Variants in AGTRAP observed in about 807,000 individuals in gnomAD.
The protein encoded by AGTRAP is type-1 angiotensin II receptor-associated protein.
A neutral mutation model predicts 15.2 loss-of-function variants in AGTRAP; 7 were observed. The ratio of observed to expected loss-of-function variants is 0.46; its 90% CI spans 0.26 to 0.87. The LOEUF is 0.87. AGTRAP is among the 40% of genes least tolerant of loss of function. The pLI is 0.15. For synonymous variants in AGTRAP, 74 were observed against 89.6 expected, an observed-to-expected ratio of 0.83 and a Z score of 0.98; for missense variants, 187 against 213.4, an observed-to-expected ratio of 0.88 and a Z score of 0.77.
intron 1 of AGTRAP, among the ~76,000 whole-genome samples, chr1:11,741,855 A>G (rs1251556440): frequency 6.6e-6 from 1 of 152,212 alleles, no homozygotes; most frequent in East Asian, 1.9e-4. Flanking sequence ...CTAGAGCTAG[A>G]CTTCTGTAAC....
Position 11,750,080 on chromosome 1 carries a change from T to G in AGTRAP, c.368T>G (p.Phe123Cys). The G allele has an allele frequency of 1.2e-6, 2 of 1,613,482 alleles. No individual in the cohort carries two copies. Among genetic ancestry groups the G allele is most frequent in the Non-Finnish European group, 1.7e-6 (2 of 1,179,552 alleles). ...CACCATGTCCCCTGTCACCTAGGTTTCCTTGGGTCTTCTCAGGACCGTAGT... is the reference window on the plus strand; with the variant it reads ...CACCATGTCCCCTGTCACCTAGGTTGCCTTGGGTCTTCTCAGGACCGTAGT... ...RGGELLVHTGFLGSSQDRSAY... is the reference protein window; with the variant it reads ...RGGELLVHTGCLGSSQDRSAY... The change falls in exon 5 of 5, where the codon TTC becomes TGC. Residue 123 changes from phenylalanine to cysteine, a missense_variant. Phe to Cys is a radical substitution (Grantham distance 205). Coordinates refer to ENST00000314340, the MANE Select transcript of AGTRAP (RefSeq NM_020350.5).
chr1:11,742,938 C>G (rs1224158459), intron 1 of AGTRAP, among the ~76,000 whole-genome samples: 1 of 152,234 alleles, frequency 6.6e-6, no homozygotes, highest in East Asian at 1.9e-4. Context: ...GACACTGCCT[C>G]TGCCCCAGGC....
At chr1:11,748,714 C>G in intron 4 of AGTRAP, 104 bp downstream of exon 4, 1 of 1,338,690 alleles carries the variant, frequency 7.5e-7, no homozygotes, top group Non-Finnish European at 1.0e-6. Flanking sequence ...GGGGCCAGGG[C>G]TCAAGGTGCA....
In AGTRAP at chr1:11,748,439, A is replaced by C; in HGVS notation, c.193A>C (p.Ile65Leu). The change falls in exon 4 of 5, where the codon ATC becomes CTC. Residue 65 changes from isoleucine (I) to leucine (L), a missense_variant. By Grantham distance (5) the Ile-to-Leu change is conservative. Coordinates refer to ENST00000314340, the MANE Select transcript of AGTRAP (RefSeq NM_020350.5). ...GTTTCTGGGTGGCTTGCTGGCCACC[A>C]TCTTCCTGGACATCGTGCACATCAG... is the stretch of plus-strand genomic sequence containing the variant. ...SMFLGGLLATIFLDIVHISIF... is the reference protein window; with the variant it reads ...SMFLGGLLATLFLDIVHISIF... The C allele has an allele frequency of 6.2e-7, 1 of 1,613,724 alleles. No homozygotes were observed. The highest frequency in any genetic ancestry group is 8.5e-7 in the Non-Finnish European group (1 of 1,179,894).
rs187110424 is a variant in AGTRAP, at chr1:11,745,916, C to A, written c.62+79C>A. On this transcript the variant is annotated intron_variant, in intron 2 of 4. Transcript: ENST00000314340. This position sits in a 1 kb window ranked among gnomAD's most constrained non-coding sequence, Gnocchi z 4.2. The stretch of plus-strand genomic sequence containing the variant: ...CAGCCGGGTCAGGTCCTGGTTCTGC[C>A]GTGTTTTAACCAGGTCACTTTGGGC... 5.1e-6 allele frequency: 8 copies of A among 1,579,044 alleles called. No homozygotes were observed. In the Admixed American group the frequency reaches 1.2e-4, roughly 23 times the overall value.
rs1253767018 is a variant in AGTRAP at position 11,739,034 on chromosome 1, C to T, written c.27+2799C>T. Among the ~76,000 whole-genome samples, 5 of 152,306 alleles carry T rather than the reference C, an allele frequency of 3.3e-5. No individual in the cohort carries two copies. In the East Asian group the frequency reaches 9.6e-4, roughly 29 times the overall value. On this transcript the variant is annotated intron_variant, in intron 1 of 4. Transcript: ENST00000314340. The stretch of plus-strand genomic sequence containing the variant: ...CTTCCTCATTTCCATCTGCCCTCTA[C>T]GGCTCTTCGAGATCCTGACGGTGTA...
In AGTRAP at chr1:11,745,905, C is replaced by A; in HGVS notation, c.62+68C>A. On this transcript the variant is annotated intron_variant, in intron 2 of 4. Coordinates refer to ENST00000314340, the MANE Select transcript of AGTRAP (RefSeq NM_020350.5). This position sits in a 1 kb window ranked among gnomAD's most constrained non-coding sequence, Gnocchi z 4.2. The stretch of plus-strand genomic sequence containing the variant: ...AGGGTCTGTGTCAGCCGGGTCAGGT[C>A]CTGGTTCTGCCGTGTTTTAACCAGG... 3 of 1,593,508 alleles carry A rather than the reference C, an allele frequency of 1.9e-6. No individual in the cohort carries two copies. The highest frequency in any genetic ancestry group is 2.2e-5 in the East Asian group (1 of 44,750).
intron 1 of AGTRAP, among the ~76,000 whole-genome samples, chr1:11,737,728 C>T (rs1641933733): frequency 6.6e-6 from 1 of 152,138 alleles, no homozygotes; most frequent in African/African-American, 2.4e-5. Context: ...AGGGCTTAGT[C>T]TCTTTGGGGC....
Position 11,747,543 on chromosome 1 carries a change from A to G in AGTRAP, c.166A>G (p.Met56Val), listed in dbSNP as rs144060195. 2,539 of 1,613,636 alleles carry G rather than the reference A, an allele frequency of 1.6e-3. 5 individuals are homozygous for G. Among genetic ancestry groups the G allele is most frequent in the Non-Finnish European group, 2.0e-3 (2,362 of 1,179,932 alleles). Residue 56 changes from methionine to valine, a missense_variant and splice_region_variant, in exon 3 of 5, where the codon ATG (methionine) becomes GTG (valine). By Grantham distance (21) the Met-to-Val change is conservative. Coordinates refer to ENST00000314340, the MANE Select transcript of AGTRAP (RefSeq NM_020350.5). The part of the protein sequence containing the change: ...AQRDSIDAIS[M>V]FLGGLLATIF... The stretch of plus-strand genomic sequence containing the variant: ...GCGGGACTCCATCGACGCCATAAGC[A>G]TGGTGAGCCAGGGTGGGGGAGAGGC...
chr1:11,737,651 G>C (rs1293315173), intron 1 of AGTRAP, among the ~76,000 whole-genome samples: 1 of 152,214 alleles, frequency 6.6e-6, no homozygotes, highest in African/African-American at 2.4e-5. Context: ...TCAGACTCCA[G>C]GGCCAGGTCC....
intron 2 of AGTRAP, chr1:11,746,189 G>C: frequency 3.1e-6 from 5 of 1,613,090 alleles, no homozygotes; most frequent in Non-Finnish European, 3.4e-6. Context: ...TGTGCACTTT[G>C]CAAACTTCGA....
chr1:11,737,466 C>T (rs1034842727), intron 1 of AGTRAP, among the ~76,000 whole-genome samples: 2 of 152,166 alleles, frequency 1.3e-5, no homozygotes, highest in Non-Finnish European at 2.9e-5. Flanking sequence ...GTGGGAGGGA[C>T]AGAGCTCTAA....
chr1:11,750,325 A>G lies in AGTRAP; in HGVS notation c.*133A>G, dbSNP rs1364125665. The G allele has an allele frequency of 2.4e-6, 2 of 848,036 alleles. No individual in the cohort carries two copies. The highest frequency in any genetic ancestry group is 3.3e-5 in the African/African-American group (2 of 59,716). 52.5% of individuals were successfully genotyped at this position (848,036 alleles called of 1,614,324 possible). On this transcript the variant is annotated 3_prime_UTR_variant, in exon 5 of 5. Coordinates refer to ENST00000314340, the MANE Select transcript of AGTRAP (RefSeq NM_020350.5). Reference sequence around the variant, plus strand: ...CCCAGCTCAGGGATTGCCTGAACCAAGAGGCCAGGAGCCCCCATGGGCCGC... The same window carrying G: ...CCCAGCTCAGGGATTGCCTGAACCAGGAGGCCAGGAGCCCCCATGGGCCGC...
rs17875923 is a variant in AGTRAP at position 11,742,400 on chromosome 1, C to T, written c.28-3403C>T. 7.5e-3 allele frequency among the ~76,000 whole-genome samples: 1,142 copies of T among 152,278 alleles called. 22 individuals carry two copies. The highest frequency in any genetic ancestry group is 0.025 in the African/African-American group (1,035 of 41,562). ...CTGCTGCCAGAGTGAGTTTGTCTGT[C>T]TTTCTTTTCTGTCCTTTCTTTCCCT... On this transcript the variant is annotated intron_variant, in intron 1 of 4. Transcript: ENST00000314340.
At chr1:11,746,305 C>T (rs369279086) in intron 2 of AGTRAP, 6 of 1,252,476 alleles carry the variant, frequency 4.8e-6, no homozygotes, top group African/African-American at 3.0e-5. Context: ...TCACACTTCC[C>T]CAAGATTCTG....
chr1:11,736,175 G>A lies in AGTRAP; in HGVS notation c.-34G>A, dbSNP rs1557699900. 2.5e-6 allele frequency: 4 copies of A among 1,593,242 alleles called. No homozygotes were observed. The South Asian group carries it at 3.4e-5, about 14-fold the overall frequency. ...AGTTCGGAGCCTAGGAGCCCCCCGCGGCTGCGGCGCAGGTGCCCTCGGCCT... is the reference window on the plus strand; with the variant it reads ...AGTTCGGAGCCTAGGAGCCCCCCGCAGCTGCGGCGCAGGTGCCCTCGGCCT... On this transcript the variant is annotated 5_prime_UTR_variant, in exon 1 of 5. Transcript: ENST00000314340.
intron 4 of AGTRAP, among the ~76,000 whole-genome samples, chr1:11,749,563 G>T (rs1264388482): frequency 6.6e-6 from 1 of 152,246 alleles, no homozygotes; most frequent in East Asian, 1.9e-4. Flanking sequence ...CGTACTCGGA[G>T]CCCTACGGCC....
rs372009893 is a variant in AGTRAP, at chr1:11,748,511, G to T, written c.265G>T (p.Val89Leu). 6.2e-7 allele frequency: 1 copy of T among 1,612,950 alleles called. No individual in the cohort carries two copies. Among genetic ancestry groups the T allele is most frequent in the Admixed American group, 1.7e-5 (1 of 60,020 alleles). ...VSLTDTGRFGVGMAILSLLLK... is the reference protein window; with the variant it reads ...VSLTDTGRFGLGMAILSLLLK... ...CCTCACGGACACGGGCCGCTTTGGCGTGGGCATGGCCATCCTCAGCTTGCT... is the reference window on the plus strand; with the variant it reads ...CCTCACGGACACGGGCCGCTTTGGCTTGGGCATGGCCATCCTCAGCTTGCT... The change falls in exon 4 of 5, where the codon GTG (valine) becomes TTG (leucine). Residue 89 changes from valine (V) to leucine (L), a missense_variant. Physicochemically the swap from Val to Leu is conservative, Grantham distance 32 (BLOSUM62 1). Transcript: ENST00000314340.
At chr1:11,738,847 C>T (rs796276010) in intron 1 of AGTRAP, among the ~76,000 whole-genome samples, 6 of 152,192 alleles carry the variant, frequency 3.9e-5, no homozygotes, top group East Asian at 1.9e-4. Context: ...CTCACTAGCA[C>T]GTGTAACAGG....
Sources: allele counts gnomAD v4.1 joint callset (sites outside exome capture counted in the v4.1 genomes callset), GRCh38; gene constraint gnomAD v4.1.1; non-coding constraint Gnocchi (gnomAD v3.1); transcripts MANE v1.5; gene names NCBI Gene and HGNC (gene_info 2026-07-23, HGNC 2026-07-21).